Variants in ZNF114 observed in about 807,000 individuals in gnomAD.
ZNF114 encodes zinc finger protein 114 (Y18).
In ZNF114, 8 loss-of-function variants were observed where a neutral mutation model predicts 6.8. The ratio of observed to expected loss-of-function variants is 1.18; its 90% CI spans 0.69 to 2.13. The LOEUF (loss-of-function observed/expected upper bound fraction) is 2.13, where lower values mean the gene tolerates loss of function less well. Among genes scored for constraint, ZNF114 ranks in the 30% most tolerant of loss-of-function variants. ZNF114 has a pLI of 0.00. For synonymous variants in ZNF114, 169 were observed against 185.5 expected, an observed-to-expected ratio of 0.91 and a Z score of 0.72; for missense variants, 472 against 519.5, an observed-to-expected ratio of 0.91 and a Z score of 0.89.
chr19:48,272,805 T>A (rs1404208738), intron 3 of ZNF114, among the ~76,000 whole-genome samples: 1 of 141,116 alleles, frequency 7.1e-6, no homozygotes, highest in Non-Finnish European at 1.6e-5. Context: ...TTTTTTTTTT[T>A]TTTTTTTTGA....
intron 3 of ZNF114, among the ~76,000 whole-genome samples, chr19:48,276,255 T>C (rs964567318): frequency 2.6e-5 from 4 of 151,696 alleles, no homozygotes; most frequent in Non-Finnish European, 5.9e-5. Flanking sequence ...AATTTTGTAT[T>C]TTTAGTAGAG....
chr19:48,285,904 A>T lies in ZNF114; in HGVS notation c.280A>T (p.Lys94Ter). Residue 94 changes from lysine to a stop codon, truncating the protein, a stop_gained, in exon 6 of 6, where the codon AAA becomes TAA. Transcript: ENST00000595607. LOFTEE classifies it low-confidence loss of function (END_TRUNC). ...STLREDWRCP[K>*]TEEPHRQGVN... is the part of the protein sequence containing the mutation. ...ATTAAGAGAAGACTGGAGATGCCCC[A>T]AAACAGAGGAACCACACAGGCAGGG... 1.9e-6 allele frequency: 3 copies of T among 1,614,196 alleles called. No homozygotes were observed. The highest frequency in any genetic ancestry group is 2.5e-6 in the Non-Finnish European group (3 of 1,180,026).
At chr19:48,275,892 G>C (rs1166879645) in intron 3 of ZNF114, among the ~76,000 whole-genome samples, 1 of 150,362 alleles carries the variant, frequency 6.7e-6, no homozygotes, top group Non-Finnish European at 1.5e-5. Flanking sequence ...TGAGGCAGGA[G>C]AATGGGGTGA....
At chr19:48,280,522 TG>T (rs1967961003) in intron 4 of ZNF114, among the ~76,000 whole-genome samples, 1 of 150,574 alleles carries the variant, frequency 6.6e-6, no homozygotes, top group Non-Finnish European at 1.5e-5. Flanking sequence ...TGACAAGCAG[TG>T]GACTGAGACG....
intron 3 of ZNF114, among the ~76,000 whole-genome samples, chr19:48,277,406 G>A (rs145761557): frequency 2.0e-5 from 3 of 152,278 alleles, no homozygotes; most frequent in Non-Finnish European, 4.4e-5. Flanking sequence ...TCCGTCATCC[G>A]TAAGGCTATT....
rs1396239288 is a variant in ZNF114 at position 48,285,822 on chromosome 19, A to C, written c.198A>C (p.Arg66Ser). The change falls in exon 6 of 6, where the codon AGA (arginine) becomes AGC (serine). Residue 66 changes from arginine to serine, a missense_variant. Coordinates refer to ENST00000595607, the MANE Select transcript of ZNF114 (RefSeq NM_153608.4). ...ATPQPDILPK[R>S]TFPEANRVCL... Reference sequence around the variant, plus strand: ...CTCAGCCGGATATTCTTCCTAAAAGAACATTTCCTGAAGCCAACAGAGTGT... The same window carrying C: ...CTCAGCCGGATATTCTTCCTAAAAGCACATTTCCTGAAGCCAACAGAGTGT... 3 of 1,614,078 alleles carry C rather than the reference A, an allele frequency of 1.9e-6. No homozygotes were observed. Among genetic ancestry groups the C allele is most frequent in the Non-Finnish European group, 2.5e-6 (3 of 1,180,014 alleles).
chr19:48,274,111 CACAT>C (rs1377684626), intron 3 of ZNF114, among the ~76,000 whole-genome samples: 2 of 151,286 alleles, frequency 1.3e-5, no homozygotes, highest in African/African-American at 4.8e-5. Flanking sequence ...CATACACACA[CACAT>C]ATATATAAAT....
At chr19:48,277,453 T>C (rs917517893) in intron 3 of ZNF114, among the ~76,000 whole-genome samples, 38 of 152,386 alleles carry the variant, frequency 2.5e-4, no homozygotes, top group African/African-American at 9.1e-4. Flanking sequence ...AAGTAAAGGC[T>C]TAATTTTTCC....
In ZNF114 at chr19:48,279,747, T is replaced by G; in HGVS notation, c.-53T>G. 1.2e-6 allele frequency: 2 copies of G among 1,613,722 alleles called. No individual in the cohort carries two copies. Among genetic ancestry groups the G allele is most frequent in the Admixed American group, 3.3e-5 (2 of 59,996 alleles). On this transcript the variant is annotated 5_prime_UTR_variant, in exon 4 of 6. Transcript: ENST00000595607. Reference sequence around the variant, plus strand: ...TCTCCCAAGCTCTGCCTCACCTGCCTCCTTGAAGGAAACACGGGGAAGCCA... The same window carrying G: ...TCTCCCAAGCTCTGCCTCACCTGCCGCCTTGAAGGAAACACGGGGAAGCCA...
At chr19:48,285,338 A>T (rs1968088053) in intron 5 of ZNF114, among the ~76,000 whole-genome samples, 1 of 152,144 alleles carries the variant, frequency 6.6e-6, no homozygotes, top group African/African-American at 2.4e-5. Context: ...TCTCAACTGA[A>T]AACACAAAAA....
chr19:48,279,772 A>G lies in ZNF114; in HGVS notation c.-28A>G, dbSNP rs985736385. ...TCCTTGAAGGAAACACGGGGAAGCCAGGACTGGCCGTCACGTTGGTGACAA... is the reference window on the plus strand; with the variant it reads ...TCCTTGAAGGAAACACGGGGAAGCCGGGACTGGCCGTCACGTTGGTGACAA... On this transcript the variant is annotated 5_prime_UTR_variant, in exon 4 of 6. Coordinates refer to ENST00000595607, the MANE Select transcript of ZNF114 (RefSeq NM_153608.4). 1 of 1,613,986 alleles carries G rather than the reference A, an allele frequency of 6.2e-7. No individual in the cohort carries two copies. The highest frequency in any genetic ancestry group is 8.5e-7 in the Non-Finnish European group (1 of 1,179,934).
At position 48,282,433 on chromosome 19, in the gene ZNF114, C is replaced by G. The variant is rs1461999300; in HGVS notation, c.72C>G (p.Asp24Glu). ...NFTKEEWTLL[D>E]PAQRNLYRDV... ...CCAAAGAGGAGTGGACCCTGCTGGA[C>G]CCAGCTCAGAGGAATCTCTACAGAG... Residue 24 changes from aspartate (D) to glutamate (E), a missense_variant, in exon 5 of 6, where the codon GAC becomes GAG. Transcript: ENST00000595607. 1 of 1,613,502 alleles carries G rather than the reference C, an allele frequency of 6.2e-7. No homozygotes were observed. The highest frequency in any genetic ancestry group is 1.7e-5 in the Admixed American group (1 of 59,960).
chr19:48,279,921 C>CG (rs71181670), intron 4 of ZNF114, 113 bp downstream of exon 4: 32,777 of 1,509,112 alleles, frequency 0.022, 715 homozygotes, highest in African/African-American at 0.1. Flanking sequence ...CAGGGCCCCC[C>CG]GCCAGCCGTG....
At position 48,287,075 on chromosome 19, in the gene ZNF114, C is replaced by T; in HGVS notation, c.*197C>T. ...TTCATCTTCATTCATCTTGAGTAGA[C>T]ATTTGTTCTCACCCTGGAGAGAAAC... On this transcript the variant is annotated 3_prime_UTR_variant, in exon 6 of 6. Transcript: ENST00000595607. 4.1e-6 allele frequency: 2 copies of T among 489,984 alleles called. No homozygotes were observed. The highest frequency in any genetic ancestry group is 6.8e-6 in the Non-Finnish European group (2 of 292,886). 30.4% of individuals were successfully genotyped at this position (489,984 alleles called of 1,614,324 possible). A position where few individuals can be genotyped will look rare whatever the true frequency, so the allele number is the denominator to read the frequency against.
At chr19:48,279,118 A>C (rs1281340029) in intron 3 of ZNF114, among the ~76,000 whole-genome samples, 1 of 152,038 alleles carries the variant, frequency 6.6e-6, no homozygotes, top group Non-Finnish European at 1.5e-5. Context: ...TGCATTGTTC[A>C]CTTAAAATGG....
At chr19:48,282,224 C>A in intron 4 of ZNF114, 147 bp from the exon 5 acceptor site, 1 of 1,123,390 alleles carries the variant, frequency 8.9e-7, no homozygotes, top group Non-Finnish European at 1.3e-6. Flanking sequence ...TCATTGACAT[C>A]TGCAAAGACT....
chr19:48,286,554 G>A lies in ZNF114; in HGVS notation c.930G>A (p.Gly310=), dbSNP rs750104468. 1.2e-6 allele frequency: 2 copies of A among 1,614,114 alleles called. No individual in the cohort carries two copies. Among genetic ancestry groups the A allele is most frequent in the Non-Finnish European group, 1.7e-6 (2 of 1,180,034 alleles). The change falls in exon 6 of 6, where the codon GGG becomes GGA. Residue 310 remains glycine (G), a synonymous_variant. Coordinates refer to ENST00000595607, the MANE Select transcript of ZNF114 (RefSeq NM_153608.4). ...AAACCCATAAATGCCCCGAATGTGGGAGAGCCTTTTTTTATCAGTCATTCC... is the reference window on the plus strand; with the variant it reads ...AAACCCATAAATGCCCCGAATGTGGAAGAGCCTTTTTTTATCAGTCATTCC... ...GEKTHKCPEC[G]RAFFYQSFLM... is the part of the protein sequence containing the mutation.
rs1046258272 is a variant in ZNF114 at position 48,284,109 on chromosome 19, C to T, written c.136+1612C>T. 6.6e-5 allele frequency among the ~76,000 whole-genome samples: 10 copies of T among 152,238 alleles called. No individual in the cohort carries two copies. In the East Asian group the frequency reaches 1.4e-3, roughly 21 times the overall value. ...GTCAGAGGAAGGGGGATGAAATCAT[C>T]GGGATGAGGAAAGTACATTCTTTGG... On this transcript the variant is annotated intron_variant, in intron 5 of 5. Coordinates refer to ENST00000595607, the MANE Select transcript of ZNF114 (RefSeq NM_153608.4).
rs143142550 is a variant in ZNF114, at chr19:48,286,131, A to G, written c.507A>G (p.Lys169=). The G allele has an allele frequency of 6.0e-5, 97 of 1,614,198 alleles. 1 individual carries two copies. The African/African-American group carries it at 9.1e-4, about 15-fold the overall frequency. The change falls in exon 6 of 6, where the codon AAA becomes AAG. Residue 169 remains lysine (K), a synonymous_variant. Coordinates refer to ENST00000595607, the MANE Select transcript of ZNF114 (RefSeq NM_153608.4). ...KYNPVLNDSQ[K]THENNEDDGV... is the part of the protein sequence containing the mutation. The stretch of plus-strand genomic sequence containing the variant: ...ATCCTGTCTTAAACGATAGTCAAAA[A>G]ACACATGAAAACAACGAAGACGATG...
Sources: gnomAD v4.1 joint callset for allele counts (sites outside exome capture counted in the v4.1 genomes callset) on GRCh38, gnomAD v4.1.1 for gene constraint, MANE v1.5 for transcripts, NCBI Gene and HGNC (gene_info 2026-07-23, HGNC 2026-07-21) for gene names.